The following R3HDM2 variants were observed in gnomAD, a reference collection of about 807,000 sequenced individuals.
R3HDM2 encodes the protein R3H domain-containing protein 2.
In R3HDM2, 38 loss-of-function variants were observed where a neutral mutation model predicts 124.5. That is an observed-to-expected ratio of 0.31 (90% CI 0.24 to 0.40). R3HDM2 has a LOEUF of 0.40. Among genes scored for constraint, R3HDM2 ranks in the 10% least tolerant of loss-of-function variants. The pLI, the probability that R3HDM2 is intolerant of heterozygous loss-of-function variation, is 1.00. For synonymous variants in R3HDM2, 391 were observed against 448.0 expected (o/e 0.87, Z 1.61); for missense variants, 869 against 1,236.9 (o/e 0.70, Z 4.46).
intron 14 of R3HDM2, among the ~76,000 whole-genome samples, chr12:57,273,965 T>C (rs2044143683): frequency 6.6e-6 from 1 of 152,224 alleles, no homozygotes; most frequent in Non-Finnish European, 1.5e-5. Flanking sequence ...GAAGAGTTGC[T>C]GCTGTAGCCT....
intron 6 of R3HDM2, among the ~76,000 whole-genome samples, chr12:57,298,891 A>G (rs2050477063): frequency 1.3e-5 from 2 of 152,136 alleles, no homozygotes; most frequent in Admixed American, 1.3e-4. Flanking sequence ...TGAACTCGGG[A>G]GGCGAAGGTT....
chr12:57,378,073 T>C (rs1482264154), intron 2 of R3HDM2, among the ~76,000 whole-genome samples: 1 of 152,156 alleles, frequency 6.6e-6, no homozygotes, highest in Non-Finnish European at 1.5e-5. Context: ...CACTCCAGCC[T>C]GGGTAACAGA....
intron 2 of R3HDM2, among the ~76,000 whole-genome samples, chr12:57,385,645 C>T (rs1252369025): frequency 4.0e-5 from 6 of 150,512 alleles, no homozygotes; most frequent in Admixed American, 4.0e-4. Flanking sequence ...GTCGAGGCTG[C>T]AGTGAGCCCT....
chr12:57,409,648 G>A (rs909883654), intron 1 of R3HDM2, among the ~76,000 whole-genome samples: 2 of 151,984 alleles, frequency 1.3e-5, no homozygotes, highest in African/African-American at 2.4e-5. Context: ...CTGGTCTACT[G>A]GAGTACCTAC....
chr12:57,394,175 T>C (rs1300957915), intron 2 of R3HDM2, among the ~76,000 whole-genome samples: 1 of 151,330 alleles, frequency 6.6e-6, no homozygotes, highest in African/African-American at 2.4e-5. Flanking sequence ...CATACACCTG[T>C]AATCCCAGCC....
chr12:57,363,561 T>C (rs753599206), intron 2 of R3HDM2, among the ~76,000 whole-genome samples: 1 of 152,106 alleles, frequency 6.6e-6, no homozygotes, highest in Non-Finnish European at 1.5e-5. Flanking sequence ...TAGTTTCCAG[T>C]AACTAAGAGG....
At chr12:57,353,494 T>C (rs1215564654) in intron 2 of R3HDM2, among the ~76,000 whole-genome samples, 6 of 152,230 alleles carry the variant, frequency 3.9e-5, no homozygotes, top group Non-Finnish European at 8.8e-5. Context: ...GTTAATTTTA[T>C]TGTTGAGTTA....
chr12:57,385,613 G>A (rs1304043532), intron 2 of R3HDM2, among the ~76,000 whole-genome samples: 1 of 151,388 alleles, frequency 6.6e-6, no homozygotes, highest in African/African-American at 2.4e-5. Flanking sequence ...GCTGAGATGG[G>A]AAGATCACTT....
intron 1 of R3HDM2, among the ~76,000 whole-genome samples, chr12:57,419,290 A>T (rs2069958361): frequency 6.6e-6 from 1 of 151,642 alleles, no homozygotes; most frequent in Non-Finnish European, 1.5e-5. Flanking sequence ...ATTACAGGCA[A>T]GTGCCACCAT....
intron 2 of R3HDM2, among the ~76,000 whole-genome samples, chr12:57,316,828 C>T (rs985356092): frequency 6.6e-6 from 1 of 151,534 alleles, no homozygotes; most frequent in Non-Finnish European, 1.5e-5. Flanking sequence ...TGACTCACTG[C>T]AACCTCTGCC....
intron 21 of R3HDM2, 132 bp downstream of exon 21, chr12:57,257,857 AG>A (rs2039515391): frequency 4.0e-6 from 4 of 995,220 alleles, no homozygotes; most frequent in South Asian, 7.6e-5. Context: ...GGGATGTTAA[AG>A]GAAGAGTTAA....
chr12:57,350,100 CT>C (rs752229710), intron 2 of R3HDM2, among the ~76,000 whole-genome samples: 57 of 152,174 alleles, frequency 3.7e-4, no homozygotes, highest in Middle Eastern at 3.4e-3. Flanking sequence ...GTCTCAGCTA[CT>C]TGGGAAGTTG....
At chr12:57,403,855 C>CTTT (rs1357845342) in intron 1 of R3HDM2, among the ~76,000 whole-genome samples, 1 of 150,710 alleles carries the variant, frequency 6.6e-6, no homozygotes, top group Non-Finnish European at 1.5e-5. Context: ...CCATTTCATA[C>CTTT]TTTTTTCTAT....
At chr12:57,348,732 A>AAAAAAAAAAAG in intron 2 of R3HDM2, among the ~76,000 whole-genome samples, 1 of 145,790 alleles carries the variant, frequency 6.9e-6, no homozygotes, top group African/African-American at 2.5e-5. Flanking sequence ...GAGAGAGAAA[A>AAAAAAAAAAAG]ATTAGCCAGG....
chr12:57,320,290 C>CAAAAAAAAAAAAAAAA (rs1311798960), intron 2 of R3HDM2, among the ~76,000 whole-genome samples: 1 of 31,798 alleles, frequency 3.1e-5, no homozygotes, highest in Non-Finnish European at 9.3e-5. Context: ...AAAAAAAAAG[C>CAAAAAAAAAAAAAAAA]CTTAAACAGC....
At chr12:57,289,157 A>G in intron 11 of R3HDM2, 117 bp from the exon 12 acceptor site, 1 of 990,118 alleles carries the variant, frequency 1.0e-6, no homozygotes, top group South Asian at 1.4e-5. Context: ...TCACCCCACC[A>G]ACAGGGAGAG....
intron 2 of R3HDM2, among the ~76,000 whole-genome samples, chr12:57,332,202 G>C (rs1330237842): frequency 6.6e-6 from 1 of 151,786 alleles, no homozygotes; most frequent in African/African-American, 2.4e-5. Flanking sequence ...TTGAGCCTAG[G>C]ATTTTGAGAC....
chr12:57,386,279 G>A (rs1363179572), intron 2 of R3HDM2, among the ~76,000 whole-genome samples: 2 of 152,188 alleles, frequency 1.3e-5, no homozygotes, highest in African/African-American at 2.4e-5. Flanking sequence ...CGAGGCGGGA[G>A]CCGGCTCCCT....
chr12:57,357,523 T>C (rs1433744729), intron 2 of R3HDM2, among the ~76,000 whole-genome samples: 3 of 152,112 alleles, frequency 2.0e-5, no homozygotes, highest in Non-Finnish European at 4.4e-5. Flanking sequence ...TCAGTGATGT[T>C]GTCTCTCTCA....
Sources: allele counts gnomAD v4.1 joint callset (sites outside exome capture counted in the v4.1 genomes callset), GRCh38; gene constraint gnomAD v4.1.1; transcripts MANE v1.5; gene names NCBI Gene and HGNC (gene_info 2026-07-23, HGNC 2026-07-21).